Variants in BCAT1 observed in about 807,000 individuals in gnomAD.
The protein encoded by BCAT1 is branched-chain-amino-acid aminotransferase, cytosolic.
A neutral mutation model predicts 52.4 loss-of-function variants in BCAT1; 48 were observed. The observed-to-expected ratio is 0.92, with a 90% confidence interval of 0.73 to 1.16. The LOEUF is 1.16. BCAT1 is among the 50% of genes most tolerant of loss of function. BCAT1 has a pLI of 0.00. For missense variants in BCAT1, 451 were observed against 457.1 expected (o/e 0.99, Z 0.12); for synonymous variants, 167 against 161.3 (o/e 1.04, Z -0.27).
intron 1 of BCAT1, among the ~76,000 whole-genome samples, chr12:24,906,214 G>A (rs778674466): frequency 6.6e-6 from 1 of 151,840 alleles, no homozygotes; most frequent in East Asian, 1.9e-4. Flanking sequence ...AAAAATAGAT[G>A]ATATAAGGTG....
intron 1 of BCAT1, among the ~76,000 whole-genome samples, chr12:24,932,395 C>T (rs953781134): frequency 1.3e-5 from 2 of 152,206 alleles, no homozygotes; most frequent in African/African-American, 4.8e-5. Flanking sequence ...CCATGGTACT[C>T]AGGTGTCAGC....
At chr12:24,928,853 A>G (rs866345930) in intron 1 of BCAT1, among the ~76,000 whole-genome samples, 6 of 152,010 alleles carry the variant, frequency 3.9e-5, no homozygotes, top group South Asian at 2.1e-4. Flanking sequence ...CTCCTGCCTC[A>G]GCTTCCCAAG....
intron 4 of BCAT1, among the ~76,000 whole-genome samples, chr12:24,879,613 T>C (rs1001441057): frequency 6.6e-6 from 1 of 152,182 alleles, no homozygotes; most frequent in East Asian, 1.9e-4. Context: ...CTGCCAATCA[T>C]ATAGGTGAAC....
chr12:24,906,834 G>A (rs534755370), intron 1 of BCAT1, among the ~76,000 whole-genome samples: 4 of 152,254 alleles, frequency 2.6e-5, no homozygotes, highest in South Asian at 4.1e-4. Context: ...CCTGACAGTT[G>A]CCATTTCTCC....
At chr12:24,857,494 C>T (rs1184565168) in intron 5 of BCAT1, among the ~76,000 whole-genome samples, 1 of 152,190 alleles carries the variant, frequency 6.6e-6, no homozygotes, top group African/African-American at 2.4e-5. Flanking sequence ...ATCTATCTAT[C>T]TATCTGGCAG....
chr12:24,912,817 A>T (rs1422135122), intron 1 of BCAT1, among the ~76,000 whole-genome samples: 1 of 152,216 alleles, frequency 6.6e-6, no homozygotes, highest in Non-Finnish European at 1.5e-5. Context: ...CTTATCTGAT[A>T]TATACCTTGT....
chr12:24,931,228 A>T (rs1163081042), intron 1 of BCAT1, among the ~76,000 whole-genome samples: 1 of 152,046 alleles, frequency 6.6e-6, no homozygotes, highest in East Asian at 1.9e-4. Context: ...TTTTTAAAGG[A>T]TTAATCAGAA....
intron 5 of BCAT1, among the ~76,000 whole-genome samples, chr12:24,857,761 G>C (rs1443458812): frequency 6.6e-6 from 1 of 152,190 alleles, no homozygotes; most frequent in African/African-American, 2.4e-5. Flanking sequence ...GCTCTGATTT[G>C]CATTGTGTTA....
At chr12:24,852,302 T>C (rs1655872765) in intron 5 of BCAT1, among the ~76,000 whole-genome samples, 1 of 152,194 alleles carries the variant, frequency 6.6e-6, no homozygotes, top group Non-Finnish European at 1.5e-5. Flanking sequence ...ACCCTAGTGA[T>C]GAGGAATTTA....
intron 5 of BCAT1, among the ~76,000 whole-genome samples, chr12:24,850,545 T>G (rs1242371083): frequency 6.6e-6 from 1 of 152,232 alleles, no homozygotes; most frequent in Non-Finnish European, 1.5e-5. Flanking sequence ...TCATTACATT[T>G]TAAGCTCAGC....
chr12:24,944,108 C>G (rs1430681900), intron 1 of BCAT1, among the ~76,000 whole-genome samples: 2 of 152,206 alleles, frequency 1.3e-5, no homozygotes, highest in Admixed American at 6.5e-5. Context: ...CAGCACTATT[C>G]TTATAAGTGT....
chr12:24,939,437 A>G (rs773218082), intron 1 of BCAT1, among the ~76,000 whole-genome samples: 21 of 152,248 alleles, frequency 1.4e-4, no homozygotes, highest in Non-Finnish European at 1.8e-4. Flanking sequence ...TATGAAGTAT[A>G]CACATTACAT....
At chr12:24,834,309 C>T in intron 8 of BCAT1, 4 of 985,334 alleles carry the variant, frequency 4.1e-6, no homozygotes, top group Non-Finnish European at 4.8e-6. Flanking sequence ...TTCAGTATCA[C>T]ATTCAGTTGA....
intron 1 of BCAT1, among the ~76,000 whole-genome samples, chr12:24,927,290 A>G (rs1201290652): frequency 2.0e-5 from 3 of 152,174 alleles, no homozygotes; most frequent in African/African-American, 7.2e-5. Context: ...CCTGGGTGAC[A>G]AAGTGAGACT....
intron 5 of BCAT1, among the ~76,000 whole-genome samples, chr12:24,857,597 C>T (rs903781264): frequency 7.9e-5 from 12 of 152,112 alleles, no homozygotes; most frequent in African/African-American, 2.9e-4. Context: ...TCTTGATGCC[C>T]ACATTGAGAG....
At chr12:24,914,107 G>A (rs1326711354) in intron 1 of BCAT1, among the ~76,000 whole-genome samples, 2 of 150,346 alleles carry the variant, frequency 1.3e-5, no homozygotes, top group African/African-American at 4.9e-5. Context: ...TTTGAGATGG[G>A]GTCTCACTGT....
chr12:24,876,053 T>TGA (rs1942326303), intron 5 of BCAT1, among the ~76,000 whole-genome samples: 2 of 152,112 alleles, frequency 1.3e-5, no homozygotes, highest in African/African-American at 4.8e-5. Context: ...TGTATTATTT[T>TGA]ATAATAAAGT....
In BCAT1 at chr12:24,921,034, C is replaced by T. The variant is rs12313518; in HGVS notation, c.7-19149G>A. 4.0e-3 allele frequency among the ~76,000 whole-genome samples: 604 copies of T among 152,218 alleles called. 4 individuals are homozygous for T. The highest frequency in any genetic ancestry group is 0.014 in the African/African-American group (579 of 41,540). On this transcript the variant is annotated intron_variant, in intron 1 of 10. Coordinates refer to ENST00000261192, the MANE Select transcript of BCAT1 (RefSeq NM_005504.7). ...CTCCCAGCATGTGAATGAATTTTTGCTTACCTTCCCGTGACCCTCCACGTG... is the reference window on the plus strand; with the variant it reads ...CTCCCAGCATGTGAATGAATTTTTGTTTACCTTCCCGTGACCCTCCACGTG...
chr12:24,841,983 T>C, intron 7 of BCAT1, 99 bp downstream of exon 7: 1 of 1,350,414 alleles, frequency 7.4e-7, no homozygotes, highest in Non-Finnish European at 1.0e-6. Flanking sequence ...CCTTTGGAAC[T>C]GTGCTACTTA....
Sources: allele counts gnomAD v4.1 joint callset (sites outside exome capture counted in the v4.1 genomes callset), GRCh38; gene constraint gnomAD v4.1.1; transcripts MANE v1.5; gene names NCBI Gene and HGNC (gene_info 2026-07-23, HGNC 2026-07-21).